Variants in PSD3 observed in about 807,000 individuals in gnomAD.
PSD3 encodes the protein PH and SEC7 domain-containing protein 3.
Under a neutral mutation model 105.5 loss-of-function variants are expected in PSD3, and 49 were observed. That is an observed-to-expected ratio of 0.46 (90% CI 0.37 to 0.59). PSD3 has a LOEUF of 0.59. PSD3 is among the 20% of genes least tolerant of loss of function. The pLI is 0.00. For missense variants in PSD3, 1,561 were observed against 1,263.8 expected, an observed-to-expected ratio of 1.24 and a Z score of -3.57; for synonymous variants, 557 against 457.8, an observed-to-expected ratio of 1.22 and a Z score of -2.77.
Position 18,529,159 on chromosome 8 carries a change from G to C in PSD3, c.*6584C>G, listed in dbSNP as rs1799537606. 6.6e-6 allele frequency: 1 copy of C among 152,232 alleles called. No individual in the cohort carries two copies. The highest frequency in any genetic ancestry group is 2.4e-5 in the African/African-American group (1 of 41,470). 9.4% of individuals were successfully genotyped at this position (152,232 alleles called of 1,614,324 possible). ...ACCCAGGCTACGGAGAGATGCTGGA[G>C]AGCTGCTGCTTGTGAATTACAAGAA... On this transcript the variant is annotated 3_prime_UTR_variant, in exon 16 of 16. Coordinates refer to ENST00000327040, the MANE Select transcript of PSD3 (RefSeq NM_015310.4).
chr8:18,693,222 G>A (rs902625272), intron 9 of PSD3, among the ~76,000 whole-genome samples: 13 of 152,044 alleles, frequency 8.6e-5, no homozygotes, highest in Admixed American at 7.9e-4. Flanking sequence ...TGACACATAC[G>A]ACCTTAAATA....
At chr8:18,592,167 A>G (rs1435887493) in intron 12 of PSD3, among the ~76,000 whole-genome samples, 1 of 152,210 alleles carries the variant, frequency 6.6e-6, no homozygotes, top group African/African-American at 2.4e-5. Context: ...AAACAAAATG[A>G]GAATATCAAC....
intron 9 of PSD3, among the ~76,000 whole-genome samples, chr8:18,690,765 G>A (rs1800931230): frequency 6.6e-6 from 1 of 152,160 alleles, no homozygotes. Context: ...CTCGCTGTCT[G>A]GTCCGTCACC....
At chr8:18,887,751 A>G (rs1818532025) in intron 2 of PSD3, among the ~76,000 whole-genome samples, 1 of 152,200 alleles carries the variant, frequency 6.6e-6, no homozygotes, top group African/African-American at 2.4e-5. Context: ...TTCATTCCAT[A>G]TACATTTACT....
intron 9 of PSD3, among the ~76,000 whole-genome samples, chr8:18,695,647 A>G (rs1292284045): frequency 6.6e-6 from 1 of 152,234 alleles, no homozygotes; most frequent in Non-Finnish European, 1.5e-5. Flanking sequence ...CATCACCATT[A>G]AACTTCTTGA....
At chr8:19,046,722 C>G (rs1269260883) in intron 1 of PSD3, among the ~76,000 whole-genome samples, 1 of 152,200 alleles carries the variant, frequency 6.6e-6, no homozygotes, top group Non-Finnish European at 1.5e-5. Context: ...CCAATCCTTT[C>G]AGTAAGATCT....
In PSD3 at chr8:18,692,850, C is replaced by G. The variant is rs933072721; in HGVS notation, c.2173-37165G>C. ...TTTAACTCCTCACTGGATAAGGTCT[C>G]TCTGAAATTAAAGGATGGAGTACAG... On this transcript the variant is annotated intron_variant, in intron 9 of 15. Coordinates refer to ENST00000327040, the MANE Select transcript of PSD3 (RefSeq NM_015310.4). Among the ~76,000 whole-genome samples the G allele has an allele frequency of 2.0e-5, 3 of 152,216 alleles. No individual in the cohort carries two copies. The East Asian group carries it at 5.8e-4, about 29-fold the overall frequency.
intron 9 of PSD3, among the ~76,000 whole-genome samples, chr8:18,739,648 CA>C (rs1239382457): frequency 1.3e-5 from 2 of 152,056 alleles, no homozygotes; most frequent in Non-Finnish European, 2.9e-5. Context: ...TTTATAGTAG[CA>C]AAAAAATAAA....
intron 8 of PSD3, among the ~76,000 whole-genome samples, chr8:18,797,562 T>C (rs1017788686): frequency 1.3e-5 from 2 of 152,282 alleles, no homozygotes; most frequent in South Asian, 4.1e-4. Context: ...CATCTAGACA[T>C]CAAGCATGCT....
intron 9 of PSD3, among the ~76,000 whole-genome samples, chr8:18,671,547 A>T (rs1366630121): frequency 1.3e-5 from 2 of 152,166 alleles, no homozygotes; most frequent in Non-Finnish European, 2.9e-5. Flanking sequence ...AAGGTATTCC[A>T]CAGCAGATTT....
At chr8:18,605,696 A>C (rs1012372939) in intron 11 of PSD3, among the ~76,000 whole-genome samples, 2 of 152,120 alleles carry the variant, frequency 1.3e-5, no homozygotes, top group African/African-American at 4.8e-5. Flanking sequence ...TGTAATTCCC[A>C]GTGTTGGAGG....
intron 1 of PSD3, among the ~76,000 whole-genome samples, chr8:18,950,090 A>C (rs1281388110): frequency 6.6e-6 from 1 of 152,146 alleles, no homozygotes; most frequent in East Asian, 1.9e-4. Flanking sequence ...ACCTATTTAA[A>C]CTATAGCTTT....
At chr8:18,646,601 A>T (rs1169014908) in intron 10 of PSD3, among the ~76,000 whole-genome samples, 2 of 152,170 alleles carry the variant, frequency 1.3e-5, no homozygotes, top group Non-Finnish European at 2.9e-5. Flanking sequence ...ACAACAAAAA[A>T]AATGAAAAAC....
chr8:18,915,713 A>G (rs1185028280), intron 2 of PSD3, among the ~76,000 whole-genome samples: 1 of 152,200 alleles, frequency 6.6e-6, no homozygotes, highest in Admixed American at 6.5e-5. Flanking sequence ...GCTAATATCA[A>G]AAAGATAAAG....
intron 14 of PSD3, among the ~76,000 whole-genome samples, chr8:18,562,789 C>T (rs537535910): frequency 3.3e-5 from 5 of 151,910 alleles, no homozygotes; most frequent in South Asian, 2.1e-4. Context: ...CACTGGAGGC[C>T]GAGGCAGGGG....
intron 1 of PSD3, among the ~76,000 whole-genome samples, chr8:19,059,937 G>A (rs114071540): frequency 2.9e-4 from 44 of 152,320 alleles, no homozygotes; most frequent in African/African-American, 1.0e-3. Flanking sequence ...CCCCAGCAAT[G>A]GGGCAGGACT....
chr8:18,600,146 G>C (rs908288049), intron 12 of PSD3, among the ~76,000 whole-genome samples: 1 of 152,094 alleles, frequency 6.6e-6, no homozygotes, highest in Admixed American at 6.6e-5. Context: ...GGATGCAGCA[G>C]GATTGAGAAA....
intron 11 of PSD3, among the ~76,000 whole-genome samples, chr8:18,610,760 G>A (rs1394474675): frequency 6.6e-6 from 1 of 152,150 alleles, no homozygotes; most frequent in Non-Finnish European, 1.5e-5. Flanking sequence ...GTGGGGTGCT[G>A]TTCATTCTGG....
chr8:18,684,960 C>T (rs978913062), intron 9 of PSD3, among the ~76,000 whole-genome samples: 4 of 152,204 alleles, frequency 2.6e-5, no homozygotes, highest in African/African-American at 4.8e-5. Flanking sequence ...TTTGAGCATA[C>T]TACTCAGGAT....
Sources: allele counts gnomAD v4.1 joint callset (sites outside exome capture counted in the v4.1 genomes callset), GRCh38; gene constraint gnomAD v4.1.1; transcripts MANE v1.5; gene names NCBI Gene and HGNC (gene_info 2026-07-23, HGNC 2026-07-21).